MACROD2: variants seen among roughly 807,000 people sequenced by gnomAD.
The protein encoded by MACROD2 is ADP-ribose glycohydrolase MACROD2.
In MACROD2, 36 loss-of-function variants were observed where a neutral mutation model predicts 70.4. The ratio of observed to expected loss-of-function variants is 0.51; its 90% CI spans 0.39 to 0.68. The LOEUF (loss-of-function observed/expected upper bound fraction) is 0.68. Ranked by LOEUF, MACROD2 falls within the 30% of genes least tolerant of loss-of-function variation. The pLI is 0.00. For missense variants in MACROD2, 496 were observed against 538.4 expected (o/e 0.92, Z 0.78); for synonymous variants, 172 against 178.8 (o/e 0.96, Z 0.30).
chr20:14,267,570 G>A (rs1394991002), intron 3 of MACROD2, among the ~76,000 whole-genome samples: 2 of 152,076 alleles, frequency 1.3e-5, no homozygotes, highest in African/African-American at 4.8e-5. Context: ...GGGTGAACAT[G>A]TAATTTATCA....
chr20:15,167,152 T>C (rs1031064896), intron 5 of MACROD2, among the ~76,000 whole-genome samples: 2 of 152,096 alleles, frequency 1.3e-5, no homozygotes, highest in African/African-American at 4.8e-5. Context: ...AAAAAATACA[T>C]TGAGTTTCTA....
At chr20:14,409,295 C>A (rs539249530) in intron 3 of MACROD2, among the ~76,000 whole-genome samples, 2 of 151,980 alleles carry the variant, frequency 1.3e-5, no homozygotes, top group Non-Finnish European at 2.9e-5. Flanking sequence ...TCAGCTTTGA[C>A]TTCTGTGATG....
intron 3 of MACROD2, among the ~76,000 whole-genome samples, chr20:14,314,123 AAAG>A (rs1420191618): frequency 2.0e-5 from 3 of 152,242 alleles, no homozygotes; most frequent in African/African-American, 7.2e-5. Context: ...TGGAAAGCTC[AAAG>A]AAGACTTCTT....
intron 6 of MACROD2, among the ~76,000 whole-genome samples, chr20:15,244,391 C>T (rs548230644): frequency 1.3e-5 from 2 of 152,266 alleles, no homozygotes; most frequent in African/African-American, 4.8e-5. Flanking sequence ...AACACCAAAG[C>T]AAAATCTGCT....
At chr20:14,837,911 G>T (rs1175583527) in intron 5 of MACROD2, among the ~76,000 whole-genome samples, 1 of 150,672 alleles carries the variant, frequency 6.6e-6, no homozygotes, top group Non-Finnish European at 1.5e-5. Flanking sequence ...CCCCCTGAGG[G>T]AAATGTCAAC....
intron 3 of MACROD2, among the ~76,000 whole-genome samples, chr20:14,470,072 AC>A (rs2084509560): frequency 1.3e-5 from 2 of 151,872 alleles, no homozygotes; most frequent in Admixed American, 1.3e-4. Context: ...GGATTTATCT[AC>A]CTTTGGTCTT....
At chr20:15,010,042 AAAC>A (rs1196025315) in intron 5 of MACROD2, among the ~76,000 whole-genome samples, 1 of 152,182 alleles carries the variant, frequency 6.6e-6, no homozygotes, top group African/African-American at 2.4e-5. Context: ...ATAACTCCAA[AAAC>A]AACATGTTGC....
intron 3 of MACROD2, among the ~76,000 whole-genome samples, chr20:14,360,933 G>A (rs6074721): frequency 0.57 from 86,518 of 152,008 alleles, 27,255 homozygotes; most frequent in Non-Finnish European, 0.71. Flanking sequence ...ATTAAGGGAA[G>A]ATATCTCACA....
intron 5 of MACROD2, among the ~76,000 whole-genome samples, chr20:14,690,644 A>G (rs993360142): frequency 6.6e-6 from 1 of 152,192 alleles, no homozygotes; most frequent in African/African-American, 2.4e-5. Flanking sequence ...CTAAATCCAT[A>G]TTAGAGGCAT....
At chr20:14,922,386 G>C (rs1161824813) in intron 5 of MACROD2, among the ~76,000 whole-genome samples, 1 of 152,050 alleles carries the variant, frequency 6.6e-6, no homozygotes, top group Non-Finnish European at 1.5e-5. Flanking sequence ...CCCTAATTTA[G>C]ACAAGCATTT....
At chr20:15,201,359 C>A (rs6043132) in intron 5 of MACROD2, among the ~76,000 whole-genome samples, 4,409 of 152,206 alleles carry the variant, frequency 0.029, 136 homozygotes, top group Middle Eastern at 0.068. Context: ...CTATTTTGGC[C>A]ATGTCTCCTC....
At chr20:14,789,910 G>GA (rs1489576285) in intron 5 of MACROD2, among the ~76,000 whole-genome samples, 2 of 151,850 alleles carry the variant, frequency 1.3e-5, no homozygotes, top group African/African-American at 2.4e-5. Context: ...AAAATTGAAA[G>GA]AAAAAATGTA....
intron 5 of MACROD2, among the ~76,000 whole-genome samples, chr20:15,116,701 T>C (rs1197618267): frequency 6.6e-6 from 1 of 152,236 alleles, no homozygotes; most frequent in East Asian, 1.9e-4. Flanking sequence ...TAACATCTTC[T>C]TTTATCTAGC....
intron 3 of MACROD2, among the ~76,000 whole-genome samples, chr20:14,403,279 A>G (rs1001173543): frequency 6.6e-6 from 1 of 152,174 alleles, no homozygotes; most frequent in African/African-American, 2.4e-5. Context: ...TTTTTCATTA[A>G]TTAAGGAAAA....
chr20:14,426,411 T>C (rs1158183168), intron 3 of MACROD2, among the ~76,000 whole-genome samples: 1 of 150,422 alleles, frequency 6.6e-6, no homozygotes, highest in Non-Finnish European at 1.5e-5. Flanking sequence ...TAATAATAGA[T>C]TTTTTTAAAG....
intron 8 of MACROD2, among the ~76,000 whole-genome samples, chr20:15,631,311 G>A (rs62196465): frequency 0.064 from 9,795 of 152,254 alleles, 340 homozygotes; most frequent in East Asian, 0.12. Context: ...TGAAGTGTAT[G>A]TTCAGCTATT....
At chr20:15,772,096 AAAAAAATATATAT>A (rs1292460907) in intron 8 of MACROD2, among the ~76,000 whole-genome samples, 24 of 101,422 alleles carry the variant, frequency 2.4e-4, no homozygotes, top group African/African-American at 1.2e-3. Context: ...AAAAAAAAAA[AAAAAAATATATAT>A]ATATATATAT....
At chr20:15,279,957 A>G (rs1347562287) in intron 6 of MACROD2, among the ~76,000 whole-genome samples, 1 of 152,170 alleles carries the variant, frequency 6.6e-6, no homozygotes, top group Non-Finnish European at 1.5e-5. Flanking sequence ...TTCACCTTTC[A>G]TCTTTTGATG....
intron 2 of MACROD2, among the ~76,000 whole-genome samples, chr20:14,036,223 G>T (rs994797250): frequency 6.6e-6 from 1 of 152,006 alleles, no homozygotes; most frequent in African/African-American, 2.4e-5. Context: ...TGTATATGAG[G>T]TTAAGTAGCC....
Sources: gnomAD v4.1 joint callset for allele counts (sites outside exome capture counted in the v4.1 genomes callset) on GRCh38, gnomAD v4.1.1 for gene constraint, MANE v1.5 for transcripts, NCBI Gene and HGNC (gene_info 2026-07-23, HGNC 2026-07-21) for gene names.